FLT3LG: variants seen among roughly 807,000 people sequenced by gnomAD.
FLT3LG encodes fms related receptor tyrosine kinase 3 ligand, also known as fms-related tyrosine kinase 3 ligand.
In FLT3LG, 8 loss-of-function variants were observed where a neutral mutation model predicts 30.9. The observed-to-expected ratio is 0.26, with a 90% CI of 0.15 to 0.47. The LOEUF (loss-of-function observed/expected upper bound fraction) is 0.47, where lower values mean the gene tolerates loss of function less well. Ranked by LOEUF, FLT3LG falls within the 20% of genes least tolerant of loss-of-function variation. The probability of loss-of-function intolerance (pLI) is 0.99; values close to 1 mark genes in which losing one functional copy is unlikely to be tolerated. For synonymous variants in FLT3LG, 123 were observed against 135.9 expected (o/e 0.91, Z 0.66); for missense variants, 278 against 306.2 (o/e 0.91, Z 0.69).
Position 49,480,450 on chromosome 19 carries a change from C to A in FLT3LG, c.634C>A (p.Arg212=), listed in dbSNP as rs370559594. ...AWCLHWQRTR[R]RTPRPGEQVP... is the part of the protein sequence containing the mutation. The stretch of plus-strand genomic sequence containing the variant: ...GTGCCTGCACTGGCAGAGGACGCGG[C>A]GGAGGACACCCCGCCCTGGGGAGCA... The change falls in exon 7 of 9, where the codon CGG becomes AGG. Residue 212 remains arginine, a synonymous_variant. Coordinates refer to ENST00000597551, the MANE Select transcript of FLT3LG (RefSeq NM_001459.4). The A allele has an allele frequency of 1.0e-3, 1,640 of 1,591,254 alleles. 1 individual carries two copies. The highest frequency in any genetic ancestry group is 1.3e-3 in the Non-Finnish European group (1,528 of 1,169,400).
Position 49,480,566 on chromosome 19 carries a change from C to G in FLT3LG, c.675C>G (p.Pro225=), listed in dbSNP as rs1274610259. The G allele has an allele frequency of 1.9e-6, 3 of 1,613,274 alleles. No homozygotes were observed. The highest frequency in any genetic ancestry group is 1.7e-5 in the Admixed American group (1 of 59,942). The part of the protein sequence containing the change: ...PRPGEQVPPV[P]SPQDLLLVEH ...GGGGCCCACAGGTGCCCCCCGTCCC[C>G]AGTCCCCAGGACCTGCTGCTTGTGG... The change falls in exon 8 of 9, where the codon CCC becomes CCG. Residue 225 remains proline, a synonymous_variant. Transcript: ENST00000597551.
At position 49,476,702 on chromosome 19, in the gene FLT3LG, C is replaced by T. The variant is rs2079406387; in HGVS notation, c.342+136C>T. On this transcript the variant is annotated intron_variant, in intron 5 of 8. Transcript: ENST00000597551. This position sits in a 1 kb window ranked among gnomAD's most constrained non-coding sequence, Gnocchi z 5.3. ...AGGTAGAGCGAGAAGCGCCACCCTG[C>T]AGAGCCCTGTTCCTACAGAACAACA... 5 of 1,135,550 alleles carry T rather than the reference C, an allele frequency of 4.4e-6. No homozygotes were observed. In the South Asian group the frequency reaches 6.7e-5, roughly 15 times the overall value. 70.3% of individuals were successfully genotyped at this position (1,135,550 alleles called of 1,614,324 possible).
chr19:49,476,698 C>A lies in FLT3LG; in HGVS notation c.342+132C>A. On this transcript the variant is annotated intron_variant, in intron 5 of 8. Coordinates refer to ENST00000597551, the MANE Select transcript of FLT3LG (RefSeq NM_001459.4). The surrounding 1 kb of genome is among the most constrained non-coding windows in gnomAD (Gnocchi z 5.3). ...ACGAAGGTAGAGCGAGAAGCGCCAC[C>A]CTGCAGAGCCCTGTTCCTACAGAAC... 1.8e-6 allele frequency: 2 copies of A among 1,131,152 alleles called. No individual in the cohort carries two copies. Among genetic ancestry groups the A allele is most frequent in the Non-Finnish European group, 2.5e-6 (2 of 787,280 alleles). 70.1% of individuals were successfully genotyped at this position (1,131,152 alleles called of 1,614,324 possible). A position where few individuals can be genotyped will look rare whatever the true frequency, so the allele number is the denominator to read the frequency against.
In FLT3LG at chr19:49,480,334, C is replaced by T. The variant is rs774118183; in HGVS notation, c.518C>T (p.Pro173Leu). 6.2e-7 allele frequency: 1 copy of T among 1,609,518 alleles called. No individual in the cohort carries two copies. The highest frequency in any genetic ancestry group is 1.7e-5 in the Admixed American group (1 of 59,932). ...CTGCCACCCCCATGGAGTCCCCGGC[C>T]CCTGGAGGCCACAGCCCCGACAGCC... is the stretch of plus-strand genomic sequence containing the variant. ...STLPPPWSPR[P>L]LEATAPTAPQ... is the part of the protein sequence containing the mutation. The change falls in exon 7 of 9, where the codon CCC (proline) becomes CTC (leucine). Residue 173 changes from proline (P) to leucine (L), a missense_variant. Physicochemically the swap from Pro to Leu is moderately conservative, Grantham distance 98. Transcript: ENST00000597551.
At position 49,476,711 on chromosome 19, in the gene FLT3LG, G is replaced by T; in HGVS notation, c.342+145G>T. On this transcript the variant is annotated intron_variant, in intron 5 of 8. Coordinates refer to ENST00000597551, the MANE Select transcript of FLT3LG (RefSeq NM_001459.4). The surrounding 1 kb of genome is among the most constrained non-coding windows in gnomAD (Gnocchi z 5.3). ...GAGAAGCGCCACCCTGCAGAGCCCT[G>T]TTCCTACAGAACAACACGTCCCCAG... 6.5e-6 allele frequency: 7 copies of T among 1,077,120 alleles called. No homozygotes were observed. Among genetic ancestry groups the T allele is most frequent in the Non-Finnish European group, 9.4e-6 (7 of 747,008 alleles). The allele number at this position is 1,077,120 out of a possible 1,614,324, so 66.7% of individuals were successfully genotyped here.
intron 6 of FLT3LG, chr19:49,479,709 T>C: frequency 5.9e-6 from 1 of 169,568 alleles, no homozygotes; most frequent in Non-Finnish European, 1.3e-5. Flanking sequence ...TGTTTCACCG[T>C]GTCAGCCAGG....
rs761882863 is a variant in FLT3LG, at chr19:49,476,448, G to A, written c.224G>A (p.Arg75Gln). ...GAGGAGCTCTGCGGGGGCCTCTGGCGGCTGGTCCTGGCACAGCGCTGGATG... is the reference window on the plus strand; with the variant it reads ...GAGGAGCTCTGCGGGGGCCTCTGGCAGCTGGTCCTGGCACAGCGCTGGATG... The part of the protein sequence containing the change: ...QDEELCGGLW[R>Q]LVLAQRWMER... The change falls in exon 5 of 9, where the codon CGG becomes CAG. Residue 75 changes from arginine (R) to glutamine (Q), a missense_variant. Physicochemically the swap from Arg to Gln is conservative, Grantham distance 43. Transcript: ENST00000597551. The surrounding 1 kb of genome is among the most constrained non-coding windows in gnomAD (Gnocchi z 5.3). The A allele has an allele frequency of 6.2e-6, 10 of 1,613,650 alleles. No homozygotes were observed. The highest frequency in any genetic ancestry group is 2.2e-5 in the South Asian group (2 of 91,080).
intron 2 of FLT3LG, 99 bp from the exon 3 acceptor site, chr19:49,475,592 G>T (rs2079362550): frequency 6.9e-7 from 1 of 1,440,038 alleles, no homozygotes; most frequent in Admixed American, 2.4e-5. Flanking sequence ...ACCCAGGGAA[G>T]GAGGAGCGGG....
intron 6 of FLT3LG, chr19:49,479,643 A>T: frequency 4.8e-6 from 1 of 208,444 alleles, no homozygotes. Context: ...CTGGGACTAC[A>T]GGCGCCTGCC....
intron 8 of FLT3LG, 123 bp downstream of exon 8, chr19:49,480,743 C>T: frequency 1.9e-6 from 2 of 1,048,474 alleles, no homozygotes; most frequent in South Asian, 3.1e-5. Context: ...CAGAAAGACC[C>T]CTCTGGGGCC....
chr19:49,480,695 G>A, intron 8 of FLT3LG, 75 bp downstream of exon 8: 2 of 1,473,154 alleles, frequency 1.4e-6, no homozygotes, highest in Non-Finnish European at 1.8e-6. Context: ...GCCATGGAAG[G>A]GTGGTGAGCA....
chr19:49,484,182 C>T (rs1291815859), intron 8 of FLT3LG, among the ~76,000 whole-genome samples: 2 of 148,986 alleles, frequency 1.3e-5, no homozygotes, highest in East Asian at 3.9e-4. Context: ...CACGCCCAGC[C>T]TATCTTTTTT....
At chr19:49,480,093 C>T (rs997726021) in intron 6 of FLT3LG, among the ~76,000 whole-genome samples, 30 of 152,180 alleles carry the variant, frequency 2.0e-4, no homozygotes, top group African/African-American at 6.5e-4. Context: ...CGTGAGCCAC[C>T]GCGCTCAGCC....
At position 49,476,826 on chromosome 19, in the gene FLT3LG, A is replaced by C. The variant is rs184419059; in HGVS notation, c.342+260A>C. On this transcript the variant is annotated intron_variant, in intron 5 of 8. Coordinates refer to ENST00000597551, the MANE Select transcript of FLT3LG (RefSeq NM_001459.4). This position sits in a 1 kb window ranked among gnomAD's most constrained non-coding sequence, Gnocchi z 5.3. ...GGTGCCACTGAGGGGTTCTTCCCCC[A>C]AAAAAAAACAGGGAGAGAAGGGGTC... The C allele has an allele frequency of 1.1e-3, 444 of 401,792 alleles. 2 individuals carry two copies. Among genetic ancestry groups the C allele is most frequent in the East Asian group, 5.1e-3 (93 of 18,212 alleles). 24.9% of individuals were successfully genotyped at this position (401,792 alleles called of 1,614,324 possible).
intron 8 of FLT3LG, 60 bp downstream of exon 8, chr19:49,480,680 AGGAGGCCATGGAAGGGT>A: frequency 2.6e-6 from 4 of 1,522,298 alleles, no homozygotes; most frequent in Non-Finnish European, 3.6e-6. Context: ...GAGGGTCACT[AGGAGGCCATGGAAGGGT>A]GGTGAGCAGT....
intron 8 of FLT3LG, among the ~76,000 whole-genome samples, chr19:49,484,466 G>A (rs1201605182): frequency 6.6e-6 from 1 of 151,174 alleles, no homozygotes; most frequent in African/African-American, 2.4e-5. Flanking sequence ...AACTAATTTA[G>A]TGTATTTTTA....
intron 6 of FLT3LG, 101 bp from the exon 7 acceptor site, chr19:49,480,197 G>A: frequency 2.5e-6 from 2 of 804,698 alleles, no homozygotes; most frequent in Non-Finnish European, 4.0e-6. Flanking sequence ...GAGAGGCCAA[G>A]CAGCCCATCC....
chr19:49,484,949 G>A (rs1367641997), intron 8 of FLT3LG, among the ~76,000 whole-genome samples: 1 of 152,070 alleles, frequency 6.6e-6, no homozygotes, highest in Admixed American at 6.6e-5. Context: ...GCTGGGCATG[G>A]TGGCGTGCAC....
intron 2 of FLT3LG, 25 bp downstream of exon 2, chr19:49,474,697 CAG>C (rs761730159): frequency 1.2e-6 from 2 of 1,610,114 alleles, no homozygotes; most frequent in Middle Eastern, 3.3e-4. Flanking sequence ...GGGACAAGAT[CAG>C]GGGAGAGGGG....
Sources: gnomAD v4.1 joint callset for allele counts (sites outside exome capture counted in the v4.1 genomes callset) on GRCh38, gnomAD v4.1.1 for gene constraint, Gnocchi (gnomAD v3.1) non-coding constraint, MANE v1.5 for transcripts, NCBI Gene and HGNC (gene_info 2026-07-23, HGNC 2026-07-21) for gene names.